Variants in NMNAT3 observed in about 807,000 individuals in gnomAD.
The protein encoded by NMNAT3 is nicotinamide/nicotinic acid mononucleotide adenylyltransferase 3.
Under a neutral mutation model 24.8 loss-of-function variants are expected in NMNAT3, and 21 were observed. The ratio of observed to expected loss-of-function variants is 0.85; its 90% CI spans 0.60 to 1.22. NMNAT3 has a LOEUF of 1.22. Ranked by LOEUF, NMNAT3 falls within the 50% of genes most tolerant of loss-of-function variation. NMNAT3 has a pLI of 0.00. For synonymous variants in NMNAT3, 136 were observed against 155.2 expected (o/e 0.88, Z 0.92); for missense variants, 387 against 436.6 (o/e 0.89, Z 1.01).
chr3:139,620,592 T>A (rs1016005366), intron 3 of NMNAT3, among the ~76,000 whole-genome samples: 2 of 152,210 alleles, frequency 1.3e-5, no homozygotes, highest in Non-Finnish European at 2.9e-5. Flanking sequence ...TATTTCCAGT[T>A]TGAGGCTACT....
At chr3:139,608,855 C>G (rs1442806137) in intron 3 of NMNAT3, among the ~76,000 whole-genome samples, 2 of 152,160 alleles carry the variant, frequency 1.3e-5, no homozygotes, top group African/African-American at 4.8e-5. Flanking sequence ...TATAAGGAAC[C>G]CTTGTGTTGC....
intron 3 of NMNAT3, among the ~76,000 whole-genome samples, chr3:139,609,407 C>A (rs1016074251): frequency 3.3e-5 from 5 of 152,090 alleles, no homozygotes; most frequent in Non-Finnish European, 7.4e-5. Flanking sequence ...GATGGTGTTG[C>A]CATTTTTTAT....
At chr3:139,638,339 T>C (rs1576712239) in intron 1 of NMNAT3, among the ~76,000 whole-genome samples, 2 of 152,112 alleles carry the variant, frequency 1.3e-5, no homozygotes, top group Non-Finnish European at 2.9e-5. Context: ...CTCTATTCTC[T>C]CCCTGCCTCT....
intron 6 of NMNAT3, chr3:139,565,410 G>C (rs1177793070): frequency 6.6e-6 from 1 of 152,006 alleles, no homozygotes; most frequent in Non-Finnish European, 1.5e-5. Context: ...TGTGCACAAC[G>C]TGCAGGTTTG....
At chr3:139,658,656 A>C (rs915882698) in intron 1 of NMNAT3, among the ~76,000 whole-genome samples, 1 of 152,202 alleles carries the variant, frequency 6.6e-6, no homozygotes, top group Non-Finnish European at 1.5e-5. Flanking sequence ...TCCATTTGGC[A>C]ATCTCGCTTA....
intron 3 of NMNAT3, among the ~76,000 whole-genome samples, chr3:139,598,892 G>A (rs2054592322): frequency 6.6e-6 from 1 of 152,004 alleles, no homozygotes; most frequent in Admixed American, 6.6e-5. Flanking sequence ...GAATTTTGGA[G>A]AGGTAGTAGC....
At chr3:139,668,322 G>C (rs1052290668) in intron 1 of NMNAT3, among the ~76,000 whole-genome samples, 1 of 152,148 alleles carries the variant, frequency 6.6e-6, no homozygotes, top group Admixed American at 6.5e-5. Context: ...CTTCCTGAGG[G>C]GAGGAAAAGA....
At chr3:139,672,844 T>C (rs1417733773) in intron 1 of NMNAT3, 1 of 152,250 alleles carries the variant, frequency 6.6e-6, no homozygotes, top group African/African-American at 2.4e-5. Flanking sequence ...GTCTTTAGTG[T>C]GACTTTCTCC....
chr3:139,580,413 G>A (rs946992026), intron 4 of NMNAT3, among the ~76,000 whole-genome samples: 5 of 152,144 alleles, frequency 3.3e-5, no homozygotes, highest in Admixed American at 1.3e-4. Context: ...ATGAGCCACC[G>A]TGCCCAGCCT....
intron 6 of NMNAT3, chr3:139,570,006 A>G (rs368356299): frequency 1.3e-5 from 2 of 152,104 alleles, no homozygotes; most frequent in Admixed American, 6.5e-5. Context: ...TGGTCTTTTC[A>G]TATAGTCCCA....
intron 3 of NMNAT3, among the ~76,000 whole-genome samples, chr3:139,614,957 C>T (rs1452707076): frequency 6.6e-6 from 1 of 152,212 alleles, no homozygotes; most frequent in African/African-American, 2.4e-5. Context: ...CATTGGCATT[C>T]TACTGTAAGA....
In NMNAT3 at chr3:139,561,207, T is replaced by C. The variant is rs1314763608; in HGVS notation, c.844A>G (p.Asn282Asp). ...ACAGGCTCCTTGGCCAGGTGAATGT[T>C]GTGCTGGTGCATCCGTAGGATGGGA... is the stretch of plus-strand genomic sequence containing the variant. The change falls in exon 7 of 7, where the codon AAC (asparagine) becomes GAC (aspartate). Residue 282 changes from asparagine (N) to aspartate (D), a missense_variant. Asn to Asp is a conservative substitution (Grantham distance 23). Around this residue, in one of 3 missense-constraint regions of NMNAT3, gnomAD observed 323 missense variants for 345.2 expected, o/e 0.94. Transcript: ENST00000643695. 5.6e-6 allele frequency: 9 copies of C among 1,614,086 alleles called. No individual in the cohort carries two copies. The highest frequency in any genetic ancestry group is 7.6e-6 in the Non-Finnish European group (9 of 1,180,038).
intron 1 of NMNAT3, among the ~76,000 whole-genome samples, chr3:139,665,490 A>G (rs2108439667): frequency 6.6e-6 from 1 of 152,310 alleles, no homozygotes; most frequent in Non-Finnish European, 1.5e-5. Flanking sequence ...GAAAGGAGAC[A>G]TGGTAAGTGC....
intron 6 of NMNAT3, chr3:139,567,871 G>A (rs1576504140): frequency 1.3e-5 from 2 of 152,134 alleles, no homozygotes; most frequent in South Asian, 4.1e-4. Flanking sequence ...GAGTTAGGGA[G>A]GATTCCCTCT....
intron 5 of NMNAT3, among the ~76,000 whole-genome samples, chr3:139,576,573 C>T (rs181284111): frequency 6.6e-6 from 1 of 152,270 alleles, no homozygotes; most frequent in African/African-American, 2.4e-5. Context: ...TGGTACTGAT[C>T]ATAAGCTTAA....
Position 139,579,007 on chromosome 3 carries a change from T to A in NMNAT3, c.440A>T (p.Tyr147Phe), listed in dbSNP as rs952999276. 2 of 1,614,010 alleles carry A rather than the reference T, an allele frequency of 1.2e-6. No individual in the cohort carries two copies. The highest frequency in any genetic ancestry group is 1.7e-6 in the Non-Finnish European group (2 of 1,180,010). Residue 147 changes from tyrosine (Y) to phenylalanine (F), a missense_variant, in exon 5 of 7, where the codon TAT becomes TTT. Physicochemically the swap from Tyr to Phe is conservative, Grantham distance 22 (BLOSUM62 3). This residue lies in a region of NMNAT3 where 323 missense variants were observed against 345.2 expected (regional missense o/e 0.94). Transcript: ENST00000643695. The stretch of plus-strand genomic sequence containing the variant: ...AGAAGCTGCGAGGTCTTTCTTCCCA[T>A]AGGTGTCGTTGACAGGAGAGATGAT...
At chr3:139,607,384 T>C (rs1337817932) in intron 3 of NMNAT3, among the ~76,000 whole-genome samples, 3 of 152,196 alleles carry the variant, frequency 2.0e-5, no homozygotes, top group Non-Finnish European at 2.9e-5. Context: ...ATTTACTCAA[T>C]CTTAGTACTT....
At chr3:139,671,289 C>T (rs1323040363) in intron 1 of NMNAT3, among the ~76,000 whole-genome samples, 2 of 152,090 alleles carry the variant, frequency 1.3e-5, no homozygotes, top group Non-Finnish European at 2.9e-5. Flanking sequence ...TTAAGGTTTC[C>T]CATGTGGCTA....
At chr3:139,568,415 G>A (rs543232256) in intron 6 of NMNAT3, 1 of 152,206 alleles carries the variant, frequency 6.6e-6, no homozygotes, top group South Asian at 2.1e-4. Flanking sequence ...TGCTTTTCTA[G>A]TTCTTTTAAT....
Sources: allele counts gnomAD v4.1 joint callset (sites outside exome capture counted in the v4.1 genomes callset), GRCh38; gene constraint gnomAD v4.1.1; regional missense constraint gnomAD v4.1.1; transcripts MANE v1.5; gene names NCBI Gene and HGNC (gene_info 2026-07-23, HGNC 2026-07-21).